Variants in RIMKLB observed in about 807,000 individuals in gnomAD.
RIMKLB encodes ribosomal modification protein rimK like family member B.
In RIMKLB, 7 loss-of-function variants were observed where a neutral mutation model predicts 32.0. The ratio of observed to expected loss-of-function variants is 0.22; its 90% CI spans 0.12 to 0.41. The LOEUF (loss-of-function observed/expected upper bound fraction) is 0.41, where lower values mean the gene tolerates loss of function less well. Ranked by LOEUF, RIMKLB falls within the 10% of genes least tolerant of loss-of-function variation. The pLI, the probability that RIMKLB is intolerant of heterozygous loss-of-function variation, is 1.00. For synonymous variants in RIMKLB, 172 were observed against 185.1 expected, an observed-to-expected ratio of 0.93 and a Z score of 0.57; for missense variants, 289 against 498.7, an observed-to-expected ratio of 0.58 and a Z score of 4.00.
chr12:8,684,354 G>A (rs1311162509), intron 1 of RIMKLB, among the ~76,000 whole-genome samples: 3 of 151,992 alleles, frequency 2.0e-5, no homozygotes, highest in Non-Finnish European at 4.4e-5. Flanking sequence ...TGTATTTTTA[G>A]TAGAGCTGGG....
chr12:8,777,733 A>AT, downstream of RIMKLB: 2 of 1,243,778 alleles, frequency 1.6e-6, no homozygotes, highest in Non-Finnish European at 2.1e-6. Context: ...CCTTCCCCCA[A>AT]TAATGCAGCT....
chr12:8,692,591 CTG>C (rs957549706), upstream of RIMKLB, among the ~76,000 whole-genome samples: 8 of 152,192 alleles, frequency 5.3e-5, no homozygotes, highest in East Asian at 5.8e-4. Context: ...CTTGCCAAGA[CTG>C]TGTTTTCTTT....
At chr12:8,679,044 G>C (rs989272116), upstream of RIMKLB, 2 of 154,246 alleles carry the variant, frequency 1.3e-5, no homozygotes, top group African/African-American at 4.8e-5. Context: ...GAAGTTCACT[G>C]TGCTTTACCT....
intron 1 of RIMKLB, among the ~76,000 whole-genome samples, chr12:8,683,698 C>T (rs1942481673): frequency 1.3e-5 from 2 of 152,126 alleles, no homozygotes; most frequent in Non-Finnish European, 2.9e-5. Context: ...GGCTTGTCTT[C>T]TCATTCTCTT....
At chr12:8,735,311 CCT>C (rs1946898044) in intron 2 of RIMKLB, among the ~76,000 whole-genome samples, 1 of 152,104 alleles carries the variant, frequency 6.6e-6, no homozygotes, top group Non-Finnish European at 1.5e-5. Flanking sequence ...CCCATTGCAT[CCT>C]CTACCTCCTG....
At chr12:8,730,100 G>T (rs188467977) in intron 2 of RIMKLB, among the ~76,000 whole-genome samples, 117 of 152,238 alleles carry the variant, frequency 7.7e-4, no homozygotes, top group African/African-American at 2.6e-3. Flanking sequence ...CTTTGTGTGT[G>T]TGTTACTGGG....
intron 5 of RIMKLB, among the ~76,000 whole-genome samples, chr12:8,756,990 C>G (rs1046716933): frequency 2.6e-5 from 4 of 152,032 alleles, no homozygotes; most frequent in Non-Finnish European, 5.9e-5. Flanking sequence ...AGCCTACTTC[C>G]TATTCTTGAA....
downstream of RIMKLB, among the ~76,000 whole-genome samples, chr12:8,781,307 A>C (rs1951018913): frequency 6.6e-6 from 1 of 152,192 alleles, no homozygotes. Flanking sequence ...AAGTCACTGC[A>C]CTCCAGCCTG....
At chr12:8,755,250 G>A (rs1948924369) in intron 5 of RIMKLB, among the ~76,000 whole-genome samples, 2 of 151,428 alleles carry the variant, frequency 1.3e-5, no homozygotes, top group East Asian at 1.9e-4. Context: ...CACACCCAGC[G>A]CCGGGCTAAT....
chr12:8,731,467 T>A (rs1946538185), intron 2 of RIMKLB, among the ~76,000 whole-genome samples: 1 of 151,864 alleles, frequency 6.6e-6, no homozygotes, highest in Non-Finnish European at 1.5e-5. Context: ...TTTTTTTTTT[T>A]AATGTTAGGC....
chr12:8,772,596 G>C (rs748635765), intron 5 of RIMKLB, among the ~76,000 whole-genome samples: 1 of 152,276 alleles, frequency 6.6e-6, no homozygotes, highest in Admixed American at 6.5e-5. Flanking sequence ...CAGTGGTAGG[G>C]AGGATCCACC....
downstream of RIMKLB, chr12:8,780,236 T>G (rs1202703950): frequency 6.6e-6 from 1 of 152,206 alleles, no homozygotes; most frequent in Non-Finnish European, 1.5e-5. Context: ...ACTACCTAAA[T>G]TTTTAAGTTA....
At chr12:8,754,698 C>T (rs1479869015) in intron 5 of RIMKLB, among the ~76,000 whole-genome samples, 1 of 152,154 alleles carries the variant, frequency 6.6e-6, no homozygotes, top group Admixed American at 6.5e-5. Context: ...TAAGGAATTG[C>T]TTACTCAGTA....
intron 2 of RIMKLB, among the ~76,000 whole-genome samples, chr12:8,723,171 C>G (rs1945638018): frequency 6.6e-6 from 1 of 152,158 alleles, no homozygotes; most frequent in Non-Finnish European, 1.5e-5. Context: ...CTTAATCTTT[C>G]AATTTAAAGT....
intron 1 of RIMKLB, chr12:8,681,885 C>T (rs1250772492): frequency 6.6e-6 from 1 of 152,054 alleles, no homozygotes; most frequent in East Asian, 1.9e-4. Context: ...AGGAGAAGGT[C>T]ATGGGAACCC....
At chr12:8,766,092 C>T (rs1949935040) in intron 5 of RIMKLB, among the ~76,000 whole-genome samples, 4 of 151,884 alleles carry the variant, frequency 2.6e-5, no homozygotes, top group African/African-American at 9.7e-5. Context: ...TGTACTTTGC[C>T]TTGGGGGGAA....
chr12:8,725,993 A>G (rs1945960174), intron 2 of RIMKLB, among the ~76,000 whole-genome samples: 1 of 152,198 alleles, frequency 6.6e-6, no homozygotes, highest in Admixed American at 6.5e-5. Context: ...GACTACAGGC[A>G]TGTGCCATCA....
At chr12:8,732,633 T>G (rs545605973) in intron 2 of RIMKLB, among the ~76,000 whole-genome samples, 1 of 151,878 alleles carries the variant, frequency 6.6e-6, no homozygotes, top group East Asian at 1.9e-4. Flanking sequence ...ATCCTAAGAG[T>G]CAAAAAGTAC....
intron 2 of RIMKLB, among the ~76,000 whole-genome samples, chr12:8,718,505 T>C (rs2137038900): frequency 6.6e-6 from 1 of 152,262 alleles, no homozygotes; most frequent in South Asian, 2.1e-4. Context: ...TAGCTGGGCC[T>C]GGTGGCATGC....
Sources: allele counts gnomAD v4.1 joint callset (sites outside exome capture counted in the v4.1 genomes callset), GRCh38; gene constraint gnomAD v4.1.1; transcripts MANE v1.5; gene names NCBI Gene and HGNC (gene_info 2026-07-23, HGNC 2026-07-21).